The following HNMT variants were observed in gnomAD, a reference collection of about 807,000 sequenced individuals.
HNMT encodes histamine N-methyltransferase.
A neutral mutation model predicts 32.1 loss-of-function variants in HNMT; 30 were observed. The ratio of observed to expected loss-of-function variants is 0.93; its 90% CI spans 0.70 to 1.27. The LOEUF is 1.27. HNMT is among the 50% of genes most tolerant of loss of function. HNMT has a pLI of 0.00. For missense variants in HNMT, 327 were observed against 346.0 expected (o/e 0.95, Z 0.43); for synonymous variants, 125 against 119.0 (o/e 1.05, Z -0.33).
rs1558960785 is a variant in HNMT at position 137,992,715 on chromosome 2, A to T, written c.191-8203A>T. Among the ~76,000 whole-genome samples the T allele has an allele frequency of 2.0e-5, 3 of 152,272 alleles. No homozygotes were observed. The South Asian group carries it at 6.2e-4, about 32-fold the overall frequency. ...CTGTGTTAAACAGGTTCTGTTCCCC[A>T]TGCCACCCAACTGGGTGAGACCCTC... On this transcript the variant is annotated intron_variant, in intron 2 of 5. Coordinates refer to ENST00000280097, the MANE Select transcript of HNMT (RefSeq NM_006895.3).
In HNMT at chr2:137,970,182, C is replaced by A; in HGVS notation, c.155C>A (p.Ser52Ter). The A allele has an allele frequency of 6.3e-7, 1 of 1,575,110 alleles. No homozygotes were observed. ...TCTTTCAGGATTGGAGACACAAAATCAGAAATTAAGATTCTAAGCATAGGC... is the reference window on the plus strand; with the variant it reads ...TCTTTCAGGATTGGAGACACAAAATAAGAAATTAAGATTCTAAGCATAGGC... ...GIIGRIGDTK[S>*]EIKILSIGGG... The change falls in exon 2 of 6, where the codon TCA becomes TAA. Residue 52 changes from serine (S) to a stop codon, truncating the protein, a stop_gained. Coordinates refer to ENST00000280097, the MANE Select transcript of HNMT (RefSeq NM_006895.3). LOFTEE classifies it high-confidence loss of function.
chr2:137,964,655 G>A (rs1190076211), intron 1 of HNMT, 27 bp downstream of exon 1: 1 of 1,612,638 alleles, frequency 6.2e-7, no homozygotes, highest in Non-Finnish European at 8.5e-7. Context: ...TGTTGTCAAA[G>A]GGACAAGCCT....
intron 2 of HNMT, among the ~76,000 whole-genome samples, chr2:137,970,644 G>C (rs116453373): frequency 0.029 from 4,355 of 152,174 alleles, 94 homozygotes; most frequent in Non-Finnish European, 0.049. Context: ...CAGGAGGCTG[G>C]GCGCGGTGGC....
chr2:137,971,005 AC>A (rs1243225193), intron 2 of HNMT, among the ~76,000 whole-genome samples: 1 of 151,708 alleles, frequency 6.6e-6, no homozygotes, highest in Non-Finnish European at 1.5e-5. Flanking sequence ...AAACTGATGC[AC>A]AGCTTTTTTC....
Position 138,015,706 on chromosome 2 carries a change from C to T in HNMT, c.*1576C>T, listed in dbSNP as rs1438448933. ...ACTGACAAAGGAAATCTGTGAGGCACACATGATTGATGGGTATGGGGCCAT... is the reference window on the plus strand; with the variant it reads ...ACTGACAAAGGAAATCTGTGAGGCATACATGATTGATGGGTATGGGGCCAT... On this transcript the variant is annotated 3_prime_UTR_variant, in exon 6 of 6. Coordinates refer to ENST00000280097, the MANE Select transcript of HNMT (RefSeq NM_006895.3). 1 of 152,090 alleles carries T rather than the reference C, an allele frequency of 6.6e-6. No individual in the cohort carries two copies. Among genetic ancestry groups the T allele is most frequent in the Non-Finnish European group, 1.5e-5 (1 of 68,016 alleles). The allele number at this position is 152,090 out of a possible 1,614,324, so 9.4% of individuals were successfully genotyped here. A position where few individuals can be genotyped will look rare whatever the true frequency, so the allele number is the denominator to read the frequency against.
chr2:137,970,078 G>T, intron 1 of HNMT, 87 bp from the exon 2 acceptor site: 2 of 671,934 alleles, frequency 3.0e-6, no homozygotes, highest in Non-Finnish European at 5.2e-6. Context: ...TGTATTTTTA[G>T]TCTGTTCTCT....
Position 138,014,331 on chromosome 2 carries a change from C to A in HNMT, c.*201C>A. 1 of 456,516 alleles carries A rather than the reference C, an allele frequency of 2.2e-6. No homozygotes were observed. Among genetic ancestry groups the A allele is most frequent in the Non-Finnish European group, 3.9e-6 (1 of 258,010 alleles). The allele number at this position is 456,516 out of a possible 1,614,324, so 28.3% of individuals were successfully genotyped here. On this transcript the variant is annotated 3_prime_UTR_variant, in exon 6 of 6. Transcript: ENST00000280097. ...TGCTGGTCTTATCCTGTCCCTCCTC[C>A]AGGTAGAGAGACCACAAGCAGGCTC...
intron 4 of HNMT, among the ~76,000 whole-genome samples, chr2:138,003,057 G>T (rs1355933938): frequency 7.6e-6 from 1 of 131,708 alleles, no homozygotes; most frequent in Non-Finnish European, 1.6e-5. Context: ...ACACAGGAAA[G>T]GGAACATCAC....
chr2:137,992,836 C>G (rs1051136677), intron 2 of HNMT, among the ~76,000 whole-genome samples: 2 of 152,178 alleles, frequency 1.3e-5, no homozygotes, highest in African/African-American at 4.8e-5. Flanking sequence ...GAAGCAGGCA[C>G]TCATCTTTGC....
At chr2:137,997,416 G>GA (rs1280499266) in intron 2 of HNMT, among the ~76,000 whole-genome samples, 1 of 152,000 alleles carries the variant, frequency 6.6e-6, no homozygotes, top group Admixed American at 6.6e-5. Flanking sequence ...ACAAACATAT[G>GA]AAAAAAAGCT....
intron 5 of HNMT, among the ~76,000 whole-genome samples, chr2:138,012,502 G>A (rs1681537288): frequency 6.6e-6 from 1 of 152,124 alleles, no homozygotes. Context: ...ATATAGAGAT[G>A]AGAGTAAAAA....
chr2:137,968,742 C>CAAAT (rs374162489), intron 1 of HNMT, among the ~76,000 whole-genome samples: 4 of 152,200 alleles, frequency 2.6e-5, no homozygotes, highest in African/African-American at 9.6e-5. Flanking sequence ...TTGAAGAAGG[C>CAAAT]AAATCATTTA....
chr2:138,006,261 C>A (rs1205876160), intron 5 of HNMT, among the ~76,000 whole-genome samples: 1 of 151,936 alleles, frequency 6.6e-6, no homozygotes, highest in African/African-American at 2.4e-5. Context: ...TAGTAAAGCA[C>A]TATAAACTGC....
intron 5 of HNMT, among the ~76,000 whole-genome samples, chr2:138,011,112 G>C (rs956050048): frequency 1.3e-5 from 2 of 151,446 alleles, no homozygotes; most frequent in African/African-American, 4.9e-5. Flanking sequence ...GTCGGGAAGT[G>C]CATAATTGCT....
intron 2 of HNMT, among the ~76,000 whole-genome samples, chr2:137,993,426 G>A (rs986700986): frequency 6.6e-6 from 1 of 152,044 alleles, no homozygotes; most frequent in Non-Finnish European, 1.5e-5. Flanking sequence ...ATCAACTGAT[G>A]AATCAACCAA....
At chr2:137,989,804 G>A (rs1680765857) in intron 2 of HNMT, among the ~76,000 whole-genome samples, 2 of 152,094 alleles carry the variant, frequency 1.3e-5, no homozygotes, top group South Asian at 4.1e-4. Context: ...GTGTGTAATG[G>A]TATTTTGTTA....
In HNMT at chr2:138,014,052, A is replaced by G. The variant is rs773497905; in HGVS notation, c.801A>G (p.Gln267=). ...DLRAELGKDL[Q]EPEFSAKKEG... Reference sequence around the variant, plus strand: ...GAGCAGAGCTTGGGAAAGATCTACAAGAGCCTGAATTTAGTGCTAAGAAAG... The same window carrying G: ...GAGCAGAGCTTGGGAAAGATCTACAGGAGCCTGAATTTAGTGCTAAGAAAG... The change falls in exon 6 of 6, where the codon CAA becomes CAG. Residue 267 remains glutamine, a synonymous_variant. Transcript: ENST00000280097. The G allele has an allele frequency of 6.2e-7, 1 of 1,613,598 alleles. No homozygotes were observed. The highest frequency in any genetic ancestry group is 8.5e-7 in the Non-Finnish European group (1 of 1,179,692).
intron 2 of HNMT, among the ~76,000 whole-genome samples, chr2:137,992,674 C>G (rs988199616): frequency 6.6e-6 from 1 of 152,164 alleles, no homozygotes; most frequent in African/African-American, 2.4e-5. Flanking sequence ...CAAGTGGGTT[C>G]CCCGCAAGTG....
At chr2:138,006,657 T>C (rs770981511) in intron 5 of HNMT, among the ~76,000 whole-genome samples, 1 of 152,050 alleles carries the variant, frequency 6.6e-6, no homozygotes, top group African/African-American at 2.4e-5. Context: ...TGATGATTAT[T>C]GGCATCAAGA....
Sources: gnomAD v4.1 joint callset for allele counts (sites outside exome capture counted in the v4.1 genomes callset) on GRCh38, gnomAD v4.1.1 for gene constraint, MANE v1.5 for transcripts, NCBI Gene and HGNC (gene_info 2026-07-23, HGNC 2026-07-21) for gene names.